Variants in POFUT3 observed in about 807,000 individuals in gnomAD.
The protein encoded by POFUT3 is protein O-fucosyltransferase 3.
chr8:33,438,832 A>C, the POFUT3 span, among the ~76,000 whole-genome samples: 40 of 152,238 alleles, frequency 2.6e-4, no homozygotes, highest in African/African-American at 9.6e-4. Context: ...GAGCCCTTAT[A>C]AAATCATCAG....
At chr8:33,345,464 A>C in the POFUT3 span, among the ~76,000 whole-genome samples, 2 of 148,566 alleles carry the variant, frequency 1.3e-5, no homozygotes, top group African/African-American at 2.5e-5. Context: ...GTAATGGCAC[A>C]ATCTCAGCTT....
At chr8:33,322,809 A>G in the POFUT3 span, among the ~76,000 whole-genome samples, 18 of 152,288 alleles carry the variant, frequency 1.2e-4, no homozygotes, top group Admixed American at 1.1e-3. Context: ...AACTAAGTTG[A>G]TCTGAAATTT....
the POFUT3 span, among the ~76,000 whole-genome samples, chr8:33,394,435 C>T: frequency 6.6e-6 from 1 of 152,052 alleles, no homozygotes; most frequent in Non-Finnish European, 1.5e-5. Context: ...AAGTCTTACC[C>T]CTCTTTACCC....
chr8:33,336,358 T>C, the POFUT3 span, among the ~76,000 whole-genome samples: 3 of 152,224 alleles, frequency 2.0e-5, no homozygotes, highest in Admixed American at 6.5e-5. Flanking sequence ...CTCCAGAGGA[T>C]AGGTACTGGA....
At chr8:33,404,952 A>G in the POFUT3 span, among the ~76,000 whole-genome samples, 1 of 152,012 alleles carries the variant, frequency 6.6e-6, no homozygotes, top group Non-Finnish European at 1.5e-5. Flanking sequence ...TTTTCTATAC[A>G]TGATAATTTG....
chr8:33,382,587 T>C, the POFUT3 span, among the ~76,000 whole-genome samples: 234 of 152,130 alleles, frequency 1.5e-3, no homozygotes, highest in African/African-American at 5.4e-3. Flanking sequence ...GCTGCAGAAT[T>C]TGGTGGCGCA....
At chr8:33,443,994 C>T in the POFUT3 span, among the ~76,000 whole-genome samples, 1 of 139,170 alleles carries the variant, frequency 7.2e-6, no homozygotes, top group African/African-American at 2.8e-5. Context: ...TAAAGAAAAG[C>T]AATGTCTACT....
At chr8:33,343,604 G>A in the POFUT3 span, among the ~76,000 whole-genome samples, 1 of 152,164 alleles carries the variant, frequency 6.6e-6, no homozygotes, top group African/African-American at 2.4e-5. Flanking sequence ...CAGACCCCAA[G>A]TTTACTATCT....
chr8:33,321,280 T>C, the POFUT3 span, among the ~76,000 whole-genome samples: 4 of 152,244 alleles, frequency 2.6e-5, no homozygotes, highest in Non-Finnish European at 5.9e-5. Context: ...AAACGTGATT[T>C]GTGAGTCAAG....
At chr8:33,455,850 G>A in the POFUT3 span, 1 of 455,870 alleles carries the variant, frequency 2.2e-6, no homozygotes, top group East Asian at 7.0e-5. Context: ...GTAACTCCCT[G>A]GGGAGGGCCC....
the POFUT3 span, among the ~76,000 whole-genome samples, chr8:33,342,351 T>C: frequency 6.6e-6 from 1 of 151,668 alleles, no homozygotes; most frequent in South Asian, 2.1e-4. Flanking sequence ...AGCAAGACCC[T>C]GTCCCCCCAC....
chr8:33,318,391 G>C, the POFUT3 span, among the ~76,000 whole-genome samples: 1 of 147,792 alleles, frequency 6.8e-6, no homozygotes, highest in African/African-American at 2.5e-5. Flanking sequence ...GGAAAAGAGT[G>C]AGGGGAAGGC....
the POFUT3 span, among the ~76,000 whole-genome samples, chr8:33,411,051 C>T: frequency 3.3e-5 from 5 of 152,030 alleles, no homozygotes; most frequent in Non-Finnish European, 7.4e-5. Flanking sequence ...CATTCAGATG[C>T]CAAACCTTGA....
chr8:33,338,811 C>T, the POFUT3 span: 1 of 152,158 alleles, frequency 6.6e-6, no homozygotes, highest in East Asian at 1.9e-4. Context: ...TCTCCTGGAG[C>T]AGTGGCAGGA....
the POFUT3 span, among the ~76,000 whole-genome samples, chr8:33,455,227 A>G: frequency 6.6e-6 from 1 of 152,164 alleles, no homozygotes; most frequent in Non-Finnish European, 1.5e-5. Flanking sequence ...ACTCCCACTT[A>G]GAACCACATT....
chr8:33,343,980 T>G, the POFUT3 span, among the ~76,000 whole-genome samples: 1 of 152,190 alleles, frequency 6.6e-6, no homozygotes, highest in Non-Finnish European at 1.5e-5. Context: ...CACTTCCCTT[T>G]GCCTATGCAA....
chr8:33,451,628 GT>G, the POFUT3 span: 1 of 151,838 alleles, frequency 6.6e-6, no homozygotes, highest in Non-Finnish European at 1.5e-5. Context: ...ATATATGTGT[GT>G]ATACGTGTAT....
chr8:33,434,158 G>T, the POFUT3 span, among the ~76,000 whole-genome samples: 1 of 151,972 alleles, frequency 6.6e-6, no homozygotes, highest in Admixed American at 6.6e-5. Context: ...CTACTCGGGA[G>T]GCTGAGGCAG....
the POFUT3 span, among the ~76,000 whole-genome samples, chr8:33,364,370 G>A: frequency 6.6e-6 from 1 of 151,982 alleles, no homozygotes; most frequent in Non-Finnish European, 1.5e-5. Flanking sequence ...ACAAGACAAG[G>A]ATGCCCTCTC....
Sources: gnomAD v4.1 joint callset for allele counts (sites outside exome capture counted in the v4.1 genomes callset) on GRCh38, gnomAD v4.1.1 for gene constraint, MANE v1.5 for transcripts, NCBI Gene and HGNC (gene_info 2026-07-23, HGNC 2026-07-21) for gene names.